The following OR2F1 variants were observed in gnomAD, a reference collection of about 807,000 sequenced individuals.
OR2F1 encodes olfactory receptor family 2 subfamily F member 1, also known as olfactory receptor 2F1.
For missense variants in OR2F1, 389 were observed against 378.2 expected (o/e 1.03, Z -0.24); for synonymous variants, 146 against 155.3 (o/e 0.94, Z 0.44).
In OR2F1 at chr7:143,960,928, A is replaced by G; in HGVS notation, c.*4A>G. 2.5e-6 allele frequency: 4 copies of G among 1,596,046 alleles called. No individual in the cohort carries two copies. Among genetic ancestry groups the G allele is most frequent in the South Asian group, 2.3e-5 (2 of 87,472 alleles). On this transcript the variant is annotated 3_prime_UTR_variant, in exon 3 of 3. Coordinates refer to ENST00000641412, the MANE Select transcript of OR2F1 (RefSeq NM_012369.3). Reference sequence around the variant, plus strand: ...AACATCAAAGCTGGCAACTTGACTCATGAGTATGACTTAGAGAAAACAGCT... The same window carrying G: ...AACATCAAAGCTGGCAACTTGACTCGTGAGTATGACTTAGAGAAAACAGCT...
intron 1 of OR2F1, among the ~76,000 whole-genome samples, chr7:143,957,789 A>G (rs2050295392): frequency 6.6e-6 from 1 of 152,192 alleles, no homozygotes; most frequent in African/African-American, 2.4e-5. Context: ...AATTTCATCA[A>G]GGACCCTTCA....
chr7:143,955,396 A>G (rs1166791959), intron 1 of OR2F1, among the ~76,000 whole-genome samples: 1 of 152,150 alleles, frequency 6.6e-6, no homozygotes, highest in Admixed American at 6.5e-5. Context: ...CCAGTTGATA[A>G]TGTTTAGGTA....
Position 143,962,557 on chromosome 7 carries a change from G to T in OR2F1, c.*1633G>T, listed in dbSNP as rs1289167116. 6.6e-6 allele frequency: 1 copy of T among 152,168 alleles called. No homozygotes were observed. The highest frequency in any genetic ancestry group is 1.5e-5 in the Non-Finnish European group (1 of 68,042). The allele number at this position is 152,168 out of a possible 1,614,324, so 9.4% of individuals were successfully genotyped here. On this transcript the variant is annotated 3_prime_UTR_variant, in exon 3 of 3. Coordinates refer to ENST00000641412, the MANE Select transcript of OR2F1 (RefSeq NM_012369.3). ...AAGGCTTCCTATAAAAGGACCCTTG[G>T]ATTGAGACCAGAAATGTAAGAACAA...
chr7:143,956,935 T>C (rs2050290110), intron 1 of OR2F1, among the ~76,000 whole-genome samples: 1 of 152,048 alleles, frequency 6.6e-6, no homozygotes, highest in Non-Finnish European at 1.5e-5. Context: ...AGATGATTCA[T>C]TGAGAGAGTA....
Position 143,963,208 on chromosome 7 carries a change from T to C in OR2F1, c.*2284T>C, listed in dbSNP as rs913781119. 11 of 152,146 alleles carry C rather than the reference T, an allele frequency of 7.2e-5. No individual in the cohort carries two copies. The highest frequency in any genetic ancestry group is 7.4e-5 in the Non-Finnish European group (5 of 68,010). 9.4% of individuals were successfully genotyped at this position (152,146 alleles called of 1,614,324 possible). On this transcript the variant is annotated 3_prime_UTR_variant, in exon 3 of 3. Transcript: ENST00000641412. ...AAGAAAGTAATCAAAAATACAAACA[T>C]ACACATAATACATCAAGGAGGAAAA...
chr7:143,959,838 A>G (rs958311186), intron 2 of OR2F1, 110 bp from the exon 3 acceptor site: 7 of 673,046 alleles, frequency 1.0e-5, no homozygotes, highest in African/African-American at 1.8e-5. Context: ...TTGGCCAATA[A>G]ATGATCTAAA....
rs1000619316 is a variant in OR2F1 at position 143,962,262 on chromosome 7, A to G, written c.*1338A>G. Reference sequence around the variant, plus strand: ...AAAGCCCATTTGACATCTGAATTTTATATTAATAGTAATGCAATCTTAAAT... The same window carrying G: ...AAAGCCCATTTGACATCTGAATTTTGTATTAATAGTAATGCAATCTTAAAT... On this transcript the variant is annotated 3_prime_UTR_variant, in exon 3 of 3. Coordinates refer to ENST00000641412, the MANE Select transcript of OR2F1 (RefSeq NM_012369.3). 1 of 152,218 alleles carries G rather than the reference A, an allele frequency of 6.6e-6. No homozygotes were observed. The highest frequency in any genetic ancestry group is 2.4e-5 in the African/African-American group (1 of 41,458). 9.4% of individuals were successfully genotyped at this position (152,218 alleles called of 1,614,324 possible).
chr7:143,956,970 T>TA (rs1433804361), intron 1 of OR2F1, among the ~76,000 whole-genome samples: 1 of 152,028 alleles, frequency 6.6e-6, no homozygotes, highest in African/African-American at 2.4e-5. Flanking sequence ...CTGCCGATAG[T>TA]AAAAAAGAAC....
rs1338915863 is a variant in OR2F1 at position 143,962,218 on chromosome 7, T to C, written c.*1294T>C. Reference sequence around the variant, plus strand: ...TCATAGAATCTAAGAGTTTTTACAGTGTTGAAGGCATATAACTCAAAGCCC... The same window carrying C: ...TCATAGAATCTAAGAGTTTTTACAGCGTTGAAGGCATATAACTCAAAGCCC... On this transcript the variant is annotated 3_prime_UTR_variant, in exon 3 of 3. Transcript: ENST00000641412. 6.6e-6 allele frequency: 1 copy of C among 152,206 alleles called. No individual in the cohort carries two copies. Among genetic ancestry groups the C allele is most frequent in the Non-Finnish European group, 1.5e-5 (1 of 68,036 alleles). The allele number at this position is 152,206 out of a possible 1,614,324, so 9.4% of individuals were successfully genotyped here.
rs1169269629 is a variant in OR2F1 at position 143,962,684 on chromosome 7, A to C, written c.*1760A>C. On this transcript the variant is annotated 3_prime_UTR_variant, in exon 3 of 3. Coordinates refer to ENST00000641412, the MANE Select transcript of OR2F1 (RefSeq NM_012369.3). Reference sequence around the variant, plus strand: ...CAAAAAATGTTGGAAGTTCAATTTCAGGGCAGAGAAGAGTGAGAGAGTAGT... The same window carrying C: ...CAAAAAATGTTGGAAGTTCAATTTCCGGGCAGAGAAGAGTGAGAGAGTAGT... 2.0e-5 allele frequency: 3 copies of C among 152,250 alleles called. No homozygotes were observed. Among genetic ancestry groups the C allele is most frequent in the African/African-American group, 7.2e-5 (3 of 41,468 alleles). 9.4% of individuals were successfully genotyped at this position (152,250 alleles called of 1,614,324 possible).
Position 143,960,735 on chromosome 7 carries a change from C to T in OR2F1, c.765C>T (p.Ala255=). The T allele has an allele frequency of 6.2e-7, 1 of 1,614,062 alleles. No homozygotes were observed. The highest frequency in any genetic ancestry group is 8.5e-7 in the Non-Finnish European group (1 of 1,179,992). ...LTVVALCYGV[A]IFTYIQPHSS... is the part of the protein sequence containing the mutation. ...TGGTTGCCCTGTGCTATGGTGTGGC[C>T]ATTTTCACTTACATCCAGCCCCACT... Residue 255 remains alanine (A), a synonymous_variant, in exon 3 of 3, where the codon GCC becomes GCT. Transcript: ENST00000641412.
chr7:143,959,939 C>T lies in OR2F1; in HGVS notation c.-23-9C>T, dbSNP rs771836498. ...AACAGCTTCTGTTTTTTTCTGACTC[C>T]CTTCACAGATTAATAATCCTTGAAT... On this transcript the variant is annotated splice_polypyrimidine_tract_variant and intron_variant, in intron 2 of 2. Transcript: ENST00000641412. The T allele has an allele frequency of 1.3e-6, 2 of 1,504,188 alleles. No homozygotes were observed. Among genetic ancestry groups the T allele is most frequent in the African/African-American group, 1.4e-5 (1 of 71,906 alleles). The allele number at this position is 1,504,188 out of a possible 1,614,324, so 93.2% of individuals were successfully genotyped here. A position where few individuals can be genotyped will look rare whatever the true frequency, so the allele number is the denominator to read the frequency against.
In OR2F1 at chr7:143,960,853, A is replaced by G; in HGVS notation, c.883A>G (p.Lys295Glu). Residue 295 changes from lysine (K) to glutamate (E), a missense_variant, in exon 3 of 3, where the codon AAA (lysine) becomes GAA (glutamate). Lys to Glu is a moderately conservative substitution (Grantham distance 56). Transcript: ENST00000641412. ...LNPMIYSLRN[K>E]EVKGAWQKLL... ...CCCCATGATTTACAGCCTAAGGAAT[A>G]AAGAGGTGAAGGGGGCCTGGCAGAA... 1 of 1,614,108 alleles carries G rather than the reference A, an allele frequency of 6.2e-7. No individual in the cohort carries two copies. Among genetic ancestry groups the G allele is most frequent in the Non-Finnish European group, 8.5e-7 (1 of 1,180,026 alleles).
In OR2F1 at chr7:143,963,045, A is replaced by T. The variant is rs1276988209; in HGVS notation, c.*2121A>T. ...TCAGCTAAAACACTTCATCTCCCAG[A>T]TTGGAAATGCCATCTGAATATCATT... On this transcript the variant is annotated 3_prime_UTR_variant, in exon 3 of 3. Coordinates refer to ENST00000641412, the MANE Select transcript of OR2F1 (RefSeq NM_012369.3). The T allele has an allele frequency of 6.6e-6, 1 of 152,214 alleles. No homozygotes were observed. The highest frequency in any genetic ancestry group is 2.4e-5 in the African/African-American group (1 of 41,456). 9.4% of individuals were successfully genotyped at this position (152,214 alleles called of 1,614,324 possible).
In OR2F1 at chr7:143,962,715, C is replaced by T. The variant is rs1013774267; in HGVS notation, c.*1791C>T. The stretch of plus-strand genomic sequence containing the variant: ...GAGAAGAGTGAGAGAGTAGTGAGGA[C>T]GAAGCAGACGGGTTAGACACGGTCA... On this transcript the variant is annotated 3_prime_UTR_variant, in exon 3 of 3. Transcript: ENST00000641412. 4 of 152,114 alleles carry T rather than the reference C, an allele frequency of 2.6e-5. No homozygotes were observed. The highest frequency in any genetic ancestry group is 3.9e-4 in the East Asian group (2 of 5,192). The allele number at this position is 152,114 out of a possible 1,614,324, so 9.4% of individuals were successfully genotyped here. A position where few individuals can be genotyped will look rare whatever the true frequency, so the allele number is the denominator to read the frequency against.
At position 143,960,246 on chromosome 7, in the gene OR2F1, C is replaced by A; in HGVS notation, c.276C>A (p.Ile92=). 1 of 1,614,204 alleles carries A rather than the reference C, an allele frequency of 6.2e-7. No homozygotes were observed. The highest frequency in any genetic ancestry group is 8.5e-7 in the Non-Finnish European group (1 of 1,180,040). The part of the protein sequence containing the change: ...LAHFLAEHKA[I]PFQSCAAQLF... ...ATTTTCTTGCAGAACATAAAGCCAT[C>A]CCATTCCAGAGCTGTGCAGCCCAGT... Residue 92 remains isoleucine (I), a synonymous_variant, in exon 3 of 3, where the codon ATC becomes ATA. Coordinates refer to ENST00000641412, the MANE Select transcript of OR2F1 (RefSeq NM_012369.3).
Position 143,960,191 on chromosome 7 carries a change from C to A in OR2F1, c.221C>A (p.Ala74Asp). The A allele has an allele frequency of 6.2e-7, 1 of 1,614,130 alleles. No homozygotes were observed. The highest frequency in any genetic ancestry group is 8.5e-7 in the Non-Finnish European group (1 of 1,180,028). ...TNLSLVDVSY[A>D]TSVVPQLLAH... The stretch of plus-strand genomic sequence containing the variant: ...CTCTCCCTTGTCGATGTCTCCTATG[C>A]CACAAGTGTAGTCCCTCAGCTGCTG... Residue 74 changes from alanine (A) to aspartate (D), a missense_variant, in exon 3 of 3, where the codon GCC becomes GAC. Ala to Asp is a moderately radical substitution (Grantham distance 126). Transcript: ENST00000641412.
In OR2F1 at chr7:143,960,178, G is replaced by T; in HGVS notation, c.208G>T (p.Asp70Tyr). 6.2e-7 allele frequency: 1 copy of T among 1,614,082 alleles called. No individual in the cohort carries two copies. Among genetic ancestry groups the T allele is most frequent in the Non-Finnish European group, 8.5e-7 (1 of 1,180,030 alleles). The change falls in exon 3 of 3, where the codon GAT (aspartate) becomes TAT (tyrosine). Residue 70 changes from aspartate (D) to tyrosine (Y), a missense_variant. Physicochemically the swap from Asp to Tyr is radical, Grantham distance 160. Coordinates refer to ENST00000641412, the MANE Select transcript of OR2F1 (RefSeq NM_012369.3). ...YFFLTNLSLV[D>Y]VSYATSVVPQ... The stretch of plus-strand genomic sequence containing the variant: ...CTTTCTCACCAACCTCTCCCTTGTC[G>T]ATGTCTCCTATGCCACAAGTGTAGT...
At chr7:143,956,072 T>C (rs2050283223) in intron 1 of OR2F1, among the ~76,000 whole-genome samples, 1 of 152,268 alleles carries the variant, frequency 6.6e-6, no homozygotes, top group East Asian at 1.9e-4. Context: ...TATTCTCACA[T>C]TTTTTCCTTA....
Sources: gnomAD v4.1 joint callset for allele counts (sites outside exome capture counted in the v4.1 genomes callset) on GRCh38, gnomAD v4.1.1 for gene constraint, MANE v1.5 for transcripts, NCBI Gene and HGNC (gene_info 2026-07-23, HGNC 2026-07-21) for gene names.